Variants in METTL24 observed in about 807,000 individuals in gnomAD.
The protein encoded by METTL24 is probable methyltransferase-like protein 24.
METTL24 carries 29 observed loss-of-function variants against 32.7 expected under a neutral mutation model. The ratio of observed to expected loss-of-function variants is 0.89; its 90% CI spans 0.66 to 1.21. The LOEUF (loss-of-function observed/expected upper bound fraction) is 1.21. Ranked by LOEUF, METTL24 falls within the 50% of genes most tolerant of loss-of-function variation. The probability of loss-of-function intolerance (pLI) is 0.00; values close to 1 mark genes in which losing one functional copy is unlikely to be tolerated. For missense variants in METTL24, 439 were observed against 468.1 expected, an observed-to-expected ratio of 0.94 and a Z score of 0.57; for synonymous variants, 163 against 179.5, an observed-to-expected ratio of 0.91 and a Z score of 0.73.
chr6:110,279,239 A>G (rs1317830020), intron 4 of METTL24, among the ~76,000 whole-genome samples: 1 of 152,212 alleles, frequency 6.6e-6, no homozygotes, highest in Admixed American at 6.5e-5. Context: ...GCTATCTCAA[A>G]AATTTCAAAG....
chr6:110,263,726 C>T (rs1582387799), intron 4 of METTL24, among the ~76,000 whole-genome samples: 1 of 152,266 alleles, frequency 6.6e-6, no homozygotes, highest in African/African-American at 2.4e-5. Flanking sequence ...AACTATACTA[C>T]AAGGCTACAG....
intron 4 of METTL24, among the ~76,000 whole-genome samples, chr6:110,267,395 A>G (rs182995629): frequency 2.6e-4 from 40 of 152,364 alleles, no homozygotes; most frequent in African/African-American, 8.4e-4. Context: ...AGTACCTATT[A>G]CTTATATATA....
chr6:110,318,485 T>TA lies in METTL24; in HGVS notation c.418-3005dup, dbSNP rs558564847. Among the ~76,000 whole-genome samples the TA allele has an allele frequency of 3.5e-3, 528 of 149,498 alleles. 3 individuals carry two copies. Among genetic ancestry groups the TA allele is most frequent in the African/African-American group, 0.012 (470 of 40,822 alleles). ...CAGCATGGTGAAACCCCGCCTTTAC[T>TA]AAAAAAAAACATACAAAAGTTAGCC... On this transcript the variant is annotated intron_variant, in intron 2 of 4. Coordinates refer to ENST00000338882, the MANE Select transcript of METTL24 (RefSeq NM_001123364.3).
At chr6:110,288,435 C>T (rs553410408) in intron 4 of METTL24, among the ~76,000 whole-genome samples, 1 of 152,084 alleles carries the variant, frequency 6.6e-6, no homozygotes, top group Non-Finnish European at 1.5e-5. Context: ...TTGGAGGCAA[C>T]ATTTCAAAAT....
At chr6:110,342,408 G>A (rs892542089) in intron 1 of METTL24, among the ~76,000 whole-genome samples, 6 of 152,124 alleles carry the variant, frequency 3.9e-5, no homozygotes, top group South Asian at 2.1e-4. Flanking sequence ...TGCTGAAGAC[G>A]CCTGTGCCCA....
At chr6:110,283,885 A>C (rs113203159) in intron 4 of METTL24, among the ~76,000 whole-genome samples, 1,890 of 152,326 alleles carry the variant, frequency 0.012, 52 homozygotes, top group African/African-American at 0.042. Flanking sequence ...CCTCAGTCAC[A>C]GTAGCACTAC....
rs148537497 is a variant in METTL24 at position 110,289,047 on chromosome 6, T to C, written c.786+9875A>G. Among the ~76,000 whole-genome samples, 8 of 152,198 alleles carry C rather than the reference T, an allele frequency of 5.3e-5. No individual in the cohort carries two copies. The East Asian group carries it at 1.4e-3, about 26-fold the overall frequency. On this transcript the variant is annotated intron_variant, in intron 4 of 4. Coordinates refer to ENST00000338882, the MANE Select transcript of METTL24 (RefSeq NM_001123364.3). Reference sequence around the variant, plus strand: ...CTCTGATGGTTCAGTGTCTGAATAGTCCACATACTACTGGGAAGAGTAAGA... The same window carrying C: ...CTCTGATGGTTCAGTGTCTGAATAGCCCACATACTACTGGGAAGAGTAAGA...
chr6:110,256,523 G>A (rs1371972100), intron 4 of METTL24, among the ~76,000 whole-genome samples: 2 of 152,074 alleles, frequency 1.3e-5, no homozygotes, highest in East Asian at 1.9e-4. Context: ...CTCCTTGTTG[G>A]GTATCAAGTT....
chr6:110,299,243 A>G (rs746805302), intron 3 of METTL24, 93 bp from the exon 4 acceptor site: 1 of 1,076,636 alleles, frequency 9.3e-7, no homozygotes, highest in Non-Finnish European at 1.4e-6. Context: ...CAAGGTTCTT[A>G]GTTATATCAA....
intron 3 of METTL24, among the ~76,000 whole-genome samples, chr6:110,305,003 A>G (rs564680960): frequency 6.6e-6 from 1 of 152,336 alleles, no homozygotes; most frequent in East Asian, 1.9e-4. Flanking sequence ...GGGGGCCAAT[A>G]CTCAACATTT....
At chr6:110,285,593 A>C (rs893869427) in intron 4 of METTL24, among the ~76,000 whole-genome samples, 1 of 151,710 alleles carries the variant, frequency 6.6e-6, no homozygotes, top group African/African-American at 2.4e-5. Context: ...CTAATATGAT[A>C]GCAGGTTCTC....
chr6:110,310,203 G>T (rs1771697119), intron 3 of METTL24, among the ~76,000 whole-genome samples: 1 of 152,102 alleles, frequency 6.6e-6, no homozygotes, highest in African/African-American at 2.4e-5. Flanking sequence ...TATCACTTAT[G>T]AAATCATCTA....
chr6:110,305,761 A>G (rs912176802), intron 3 of METTL24, among the ~76,000 whole-genome samples: 1 of 152,268 alleles, frequency 6.6e-6, no homozygotes, highest in Non-Finnish European at 1.5e-5. Flanking sequence ...TGTGGAAGAC[A>G]GTGTGGCAAT....
chr6:110,291,332 A>C (rs9487350), intron 4 of METTL24, among the ~76,000 whole-genome samples: 3,690 of 152,212 alleles, frequency 0.024, 168 homozygotes, highest in African/African-American at 0.084. Context: ...TTTAGCTTTT[A>C]TGTTTAGGTC....
chr6:110,329,755 A>G (rs1002153065), intron 1 of METTL24, among the ~76,000 whole-genome samples: 1 of 152,178 alleles, frequency 6.6e-6, no homozygotes, highest in Non-Finnish European at 1.5e-5. Flanking sequence ...TCAGTTATAC[A>G]TTGTGCAGTG....
At chr6:110,281,462 G>A (rs1284051580) in intron 4 of METTL24, among the ~76,000 whole-genome samples, 1 of 151,944 alleles carries the variant, frequency 6.6e-6, no homozygotes, top group Non-Finnish European at 1.5e-5. Flanking sequence ...CCAATATGGT[G>A]AAACCCCGTC....
chr6:110,299,545 C>G (rs754743780), intron 3 of METTL24, among the ~76,000 whole-genome samples: 1 of 152,108 alleles, frequency 6.6e-6, no homozygotes, highest in Non-Finnish European at 1.5e-5. Flanking sequence ...ATGTGTTCTA[C>G]TAATGAGGTA....
chr6:110,304,946 T>C (rs919150016), intron 3 of METTL24, among the ~76,000 whole-genome samples: 12 of 152,192 alleles, frequency 7.9e-5, no homozygotes, highest in Admixed American at 3.9e-4. Flanking sequence ...CCCATCAGAC[T>C]AACAGCAGAT....
At chr6:110,311,839 T>C (rs1336502644) in intron 3 of METTL24, among the ~76,000 whole-genome samples, 1 of 152,200 alleles carries the variant, frequency 6.6e-6, no homozygotes, top group African/African-American at 2.4e-5. Context: ...AATAAGAAAC[T>C]TCTTTTGAGA....
Sources: allele counts gnomAD v4.1 joint callset (sites outside exome capture counted in the v4.1 genomes callset), GRCh38; gene constraint gnomAD v4.1.1; transcripts MANE v1.5; gene names NCBI Gene and HGNC (gene_info 2026-07-23, HGNC 2026-07-21).